DUSP18: variants seen among roughly 807,000 people sequenced by gnomAD.
DUSP18 encodes the protein dual specificity protein phosphatase 18.
A neutral mutation model predicts 6.3 loss-of-function variants in DUSP18; 4 were observed. That is an observed-to-expected ratio of 0.63 (90% CI 0.31 to 1.45). The LOEUF (loss-of-function observed/expected upper bound fraction) is 1.45. Ranked by LOEUF, DUSP18 falls within the 40% of genes most tolerant of loss-of-function variation. DUSP18 has a pLI of 0.07. For missense variants in DUSP18, 235 were observed against 247.7 expected (o/e 0.95, Z 0.34); for synonymous variants, 96 against 95.1 (o/e 1.01, Z -0.05).
Position 30,661,704 on chromosome 22 carries a change from T to C in DUSP18, c.*1733A>G, listed in dbSNP as rs1479255068. The C allele has an allele frequency of 6.6e-6, 1 of 152,242 alleles. No individual in the cohort carries two copies. Among genetic ancestry groups the C allele is most frequent in the East Asian group, 1.9e-4 (1 of 5,196 alleles). The allele number at this position is 152,242 out of a possible 1,614,324, so 9.4% of individuals were successfully genotyped here. On this transcript the variant is annotated 3_prime_UTR_variant, in exon 2 of 2. Transcript: ENST00000334679. ...TTTCAAATGCTGTTTGCTGAAAACC[T>C]CTGGATCAGAAGAGCTGGTCTTCAG...
chr22:30,657,735 TCTA>T (rs2088370373), downstream of DUSP18, among the ~76,000 whole-genome samples: 1 of 150,022 alleles, frequency 6.7e-6, no homozygotes, highest in Non-Finnish European at 1.5e-5. Flanking sequence ...AAACCCCATC[TCTA>T]CTAAAAGTAC....
chr22:30,660,268 G>A (rs973059646), downstream of DUSP18, among the ~76,000 whole-genome samples: 4 of 152,070 alleles, frequency 2.6e-5, no homozygotes, highest in Admixed American at 6.6e-5. Flanking sequence ...AGCACCAAGA[G>A]TAAACTAATA....
At chr22:30,657,861 G>A (rs918410992), downstream of DUSP18, among the ~76,000 whole-genome samples, 7 of 150,136 alleles carry the variant, frequency 4.7e-5, no homozygotes. Flanking sequence ...CCAAGATCAC[G>A]CCACTGCACT....
chr22:30,656,291 G>T (rs1486024594), intron 2 of DUSP18, among the ~76,000 whole-genome samples: 3 of 152,070 alleles, frequency 2.0e-5, no homozygotes, highest in Non-Finnish European at 4.4e-5. Flanking sequence ...AGGGCATTTG[G>T]ATTTAACATC....
At chr22:30,655,593 G>A (rs2088325172) in intron 2 of DUSP18, among the ~76,000 whole-genome samples, 1 of 151,742 alleles carries the variant, frequency 6.6e-6, no homozygotes, top group African/African-American at 2.4e-5. Context: ...GCCTGCCTTA[G>A]TATCCCTTCC....
rs1490149295 is a variant in DUSP18, at chr22:30,663,228, A to T, written c.*209T>A. 5.1e-6 allele frequency: 3 copies of T among 584,636 alleles called. No homozygotes were observed. Among genetic ancestry groups the T allele is most frequent in the Non-Finnish European group, 8.8e-6 (3 of 340,524 alleles). The allele number at this position is 584,636 out of a possible 1,614,324, so 36.2% of individuals were successfully genotyped here. ...GGCCAGTGTCACTCACAGGGCAGAA[A>T]ATTTATCTTCACCATCTCACAATTA... On this transcript the variant is annotated 3_prime_UTR_variant, in exon 2 of 2. Transcript: ENST00000334679.
Position 30,661,707 on chromosome 22 carries a change from G to A in DUSP18, c.*1730C>T, listed in dbSNP as rs2088474314. On this transcript the variant is annotated 3_prime_UTR_variant, in exon 2 of 2. Transcript: ENST00000334679. ...CAAATGCTGTTTGCTGAAAACCTCTGGATCAGAAGAGCTGGTCTTCAGCCA... is the reference window on the plus strand; with the variant it reads ...CAAATGCTGTTTGCTGAAAACCTCTAGATCAGAAGAGCTGGTCTTCAGCCA... 6.6e-6 allele frequency: 1 copy of A among 152,196 alleles called. No homozygotes were observed. The highest frequency in any genetic ancestry group is 1.5e-5 in the Non-Finnish European group (1 of 68,060). 9.4% of individuals were successfully genotyped at this position (152,196 alleles called of 1,614,324 possible).
Position 30,662,450 on chromosome 22 carries a change from A to G in DUSP18, c.*987T>C, listed in dbSNP as rs977363174. On this transcript the variant is annotated 3_prime_UTR_variant, in exon 2 of 2. Coordinates refer to ENST00000334679, the MANE Select transcript of DUSP18 (RefSeq NM_152511.5). ...CTCATGTGCCCTGGAGAAGGGGACT[A>G]ACACCATCTTTTGCCAAAGTTTGGT... 2.0e-5 allele frequency: 3 copies of G among 152,218 alleles called. No individual in the cohort carries two copies. The highest frequency in any genetic ancestry group is 7.2e-5 in the African/African-American group (3 of 41,450). 9.4% of individuals were successfully genotyped at this position (152,218 alleles called of 1,614,324 possible).
chr22:30,663,448 T>G lies in DUSP18; in HGVS notation c.556A>C (p.Ile186Leu). Reference protein sequence around the residue: ...DIYEKEVRLMIPL With the variant: ...DIYEKEVRLMLPL ...GCTCGTGGGATGGCTCACAGTGGAA[T>G]CATCAAACGGACTTCCTTCTCATAG... The change falls in exon 2 of 2, where the codon ATT becomes CTT. Residue 186 changes from isoleucine to leucine, a missense_variant. Transcript: ENST00000334679. 1 of 1,609,156 alleles carries G rather than the reference T, an allele frequency of 6.2e-7. No individual in the cohort carries two copies. The highest frequency in any genetic ancestry group is 8.5e-7 in the Non-Finnish European group (1 of 1,175,834).
rs371630116 is a variant in DUSP18 at position 30,663,427 on chromosome 22, G to T, written c.*10C>A. ...ACCTCTGACTCCAATGCAGGGGCTC[G>T]TGGGATGGCTCACAGTGGAATCATC... On this transcript the variant is annotated 3_prime_UTR_variant, in exon 2 of 2. Transcript: ENST00000334679. The T allele has an allele frequency of 6.3e-7, 1 of 1,598,958 alleles. No homozygotes were observed. Among genetic ancestry groups the T allele is most frequent in the Non-Finnish European group, 8.6e-7 (1 of 1,168,756 alleles).
intron 1 of DUSP18, chr22:30,667,178 T>C (rs755448937): frequency 1.3e-5 from 2 of 152,220 alleles, no homozygotes; most frequent in Non-Finnish European, 2.9e-5. Flanking sequence ...GAGTTAATAT[T>C]TCCATTTTAC....
intron 2 of DUSP18, among the ~76,000 whole-genome samples, chr22:30,655,790 G>A (rs2088328158): frequency 6.6e-6 from 1 of 152,038 alleles, no homozygotes; most frequent in Admixed American, 6.6e-5. Flanking sequence ...CAAAATTTCA[G>A]AAAAATTCCA....
chr22:30,659,448 A>T (rs2088415400), downstream of DUSP18, among the ~76,000 whole-genome samples: 1 of 152,010 alleles, frequency 6.6e-6, no homozygotes, highest in Admixed American at 6.6e-5. Flanking sequence ...ATCTTGGCTC[A>T]CTGCAACCTC....
At chr22:30,664,150 T>C (rs2088571806) in intron 1 of DUSP18, 70 bp from the exon 2 acceptor site, 1 of 701,372 alleles carries the variant, frequency 1.4e-6, no homozygotes, top group Admixed American at 2.7e-5. Flanking sequence ...CCCTGGGAAA[T>C]GGATGGATAG....
In DUSP18 at chr22:30,661,515, C is replaced by T. The variant is rs1378124729; in HGVS notation, c.*1922G>A. On this transcript the variant is annotated 3_prime_UTR_variant, in exon 2 of 2. Transcript: ENST00000334679. ...CCAGGCTGGAGTGCAATGGTGCAAG[C>T]TCGGCTCACTGCAACCTCCGCCTCC... The T allele has an allele frequency of 2.7e-5, 4 of 148,086 alleles. No individual in the cohort carries two copies. The East Asian group carries it at 7.9e-4, about 29-fold the overall frequency. 9.2% of individuals were successfully genotyped at this position (148,086 alleles called of 1,614,324 possible). A position where few individuals can be genotyped will look rare whatever the true frequency, so the allele number is the denominator to read the frequency against.
rs1186251733 is a variant in DUSP18 at position 30,663,577 on chromosome 22, G to T, written c.427C>A (p.Pro143Thr). The change falls in exon 2 of 2, where the codon CCC (proline) becomes ACC (threonine). Residue 143 changes from proline (P) to threonine (T), a missense_variant. Transcript: ENST00000334679. ...AGCTGCTCCCAAAAGCCGCTGTTGG[G>T]TCGGATGATGGGCCGGCATGACTTG... Reference protein sequence around the residue: ...WTKSCRPIIRPNSGFWEQLIH... With the variant: ...WTKSCRPIIRTNSGFWEQLIH... The T allele has an allele frequency of 6.2e-7, 1 of 1,614,234 alleles. No individual in the cohort carries two copies. The highest frequency in any genetic ancestry group is 8.5e-7 in the Non-Finnish European group (1 of 1,180,048).
chr22:30,661,244 C>G (rs1230927695), downstream of DUSP18, among the ~76,000 whole-genome samples: 2 of 152,104 alleles, frequency 1.3e-5, no homozygotes, highest in African/African-American at 4.8e-5. Flanking sequence ...TCATGGATCT[C>G]AAATCCAAAA....
downstream of DUSP18, among the ~76,000 whole-genome samples, chr22:30,656,615 T>C (rs1280814376): frequency 6.6e-6 from 1 of 152,174 alleles, no homozygotes; most frequent in African/African-American, 2.4e-5. Context: ...TCCCCTACTA[T>C]AGGACTGCAT....
intron 2 of DUSP18, chr22:30,654,887 C>T (rs1347811289): frequency 5.8e-6 from 1 of 170,946 alleles, no homozygotes; most frequent in Non-Finnish European, 1.2e-5. Flanking sequence ...CCCCTTCACC[C>T]CTGAGGTACC....
Sources: gnomAD v4.1 joint callset for allele counts (sites outside exome capture counted in the v4.1 genomes callset) on GRCh38, gnomAD v4.1.1 for gene constraint, MANE v1.5 for transcripts, NCBI Gene and HGNC (gene_info 2026-07-23, HGNC 2026-07-21) for gene names.